Variants in MIGA1 observed in about 807,000 individuals in gnomAD.
MIGA1 encodes the protein family with sequence similarity 73, member A.
Under a neutral mutation model 82.0 loss-of-function variants are expected in MIGA1, and 58 were observed. The ratio of observed to expected loss-of-function variants is 0.71; its 90% CI spans 0.57 to 0.88. The LOEUF is 0.88. Ranked by LOEUF, MIGA1 falls within the 40% of genes least tolerant of loss-of-function variation. The pLI, the probability that MIGA1 is intolerant of heterozygous loss-of-function variation, is 0.00. For missense variants in MIGA1, 751 were observed against 749.1 expected, an observed-to-expected ratio of 1.00 and a Z score of -0.03; for synonymous variants, 249 against 253.6, an observed-to-expected ratio of 0.98 and a Z score of 0.17.
chr1:77,834,387 G>T (rs1684353104), intron 7 of MIGA1, among the ~76,000 whole-genome samples: 1 of 152,148 alleles, frequency 6.6e-6, no homozygotes, highest in East Asian at 1.9e-4. Context: ...TGTTGCTTGG[G>T]CTGGTCTTGA....
intron 2 of MIGA1, among the ~76,000 whole-genome samples, chr1:77,789,488 G>A (rs1682325954): frequency 6.6e-6 from 1 of 152,118 alleles, no homozygotes; most frequent in Non-Finnish European, 1.5e-5. Context: ...AGGATAATGG[G>A]TGTGAGCCAC....
At chr1:77,820,944 G>A (rs1422306689) in intron 7 of MIGA1, among the ~76,000 whole-genome samples, 1 of 151,892 alleles carries the variant, frequency 6.6e-6, no homozygotes. Context: ...GACCAGCCTG[G>A]CCAACCTGGT....
At chr1:77,839,490 C>T (rs1286843027) in intron 7 of MIGA1, among the ~76,000 whole-genome samples, 1 of 151,854 alleles carries the variant, frequency 6.6e-6, no homozygotes, top group African/African-American at 2.4e-5. Context: ...CCCGCATCAG[C>T]CTCCCGAGAA....
chr1:77,793,127 A>G (rs1557896183), intron 2 of MIGA1, among the ~76,000 whole-genome samples: 1 of 150,374 alleles, frequency 6.7e-6, no homozygotes, highest in Non-Finnish European at 1.5e-5. Flanking sequence ...TTTTTTAAAG[A>G]CAGGGTCTCT....
rs1293888594 is a variant in MIGA1 at position 77,878,147 on chromosome 1, A to C, written c.*3083A>C. 6 of 152,256 alleles carry C rather than the reference A, an allele frequency of 3.9e-5. No homozygotes were observed. The highest frequency in any genetic ancestry group is 8.8e-5 in the Non-Finnish European group (6 of 68,130). 9.4% of individuals were successfully genotyped at this position (152,256 alleles called of 1,614,324 possible). ...AGTGGCTCACGCCTGTAATCCCAGC[A>C]CTTTGGGAGGCCCAAGTGGGCAGAT... On this transcript the variant is annotated 3_prime_UTR_variant, in exon 16 of 16. Transcript: ENST00000370791.
chr1:77,779,788 G>A (rs1183578822), intron 1 of MIGA1, 52 bp downstream of exon 1: 4 of 1,511,738 alleles, frequency 2.6e-6, no homozygotes, highest in South Asian at 1.2e-5. Context: ...AGGAAGCGGA[G>A]AGTTGAGCGG....
At chr1:77,810,008 T>C (rs1024088017) in intron 5 of MIGA1, among the ~76,000 whole-genome samples, 2 of 152,190 alleles carry the variant, frequency 1.3e-5, no homozygotes, top group Non-Finnish European at 2.9e-5. Flanking sequence ...ACAGCACTTA[T>C]GCCTGCAGTA....
At chr1:77,871,250 C>A (rs563656068) in intron 14 of MIGA1, among the ~76,000 whole-genome samples, 110 of 152,118 alleles carry the variant, frequency 7.2e-4, no homozygotes, top group African/African-American at 2.5e-3. Context: ...GCATGTAATC[C>A]TAGCACTTTG....
intron 5 of MIGA1, chr1:77,811,476 A>G: frequency 1.3e-6 from 2 of 1,538,084 alleles, no homozygotes; most frequent in Non-Finnish European, 1.8e-6. Context: ...TATTATATGT[A>G]AGAATATTCT....
intron 2 of MIGA1, among the ~76,000 whole-genome samples, chr1:77,786,733 A>ATCAC (rs1344652485): frequency 1.3e-5 from 2 of 152,188 alleles, no homozygotes; most frequent in Non-Finnish European, 2.9e-5. Flanking sequence ...TATTATTCAT[A>ATCAC]TCACTATCAG....
chr1:77,846,013 T>G (rs1684826712), intron 8 of MIGA1, among the ~76,000 whole-genome samples: 1 of 152,000 alleles, frequency 6.6e-6, no homozygotes, highest in South Asian at 2.1e-4. Flanking sequence ...ATTCACCCTT[T>G]TAAAATATAG....
intron 7 of MIGA1, among the ~76,000 whole-genome samples, chr1:77,821,197 C>T (rs1181204996): frequency 7.9e-5 from 12 of 151,652 alleles, no homozygotes; most frequent in Non-Finnish European, 1.8e-4. Flanking sequence ...TTTACATTGG[C>T]TTTTGGTGAA....
chr1:77,865,466 G>C (rs1313749912), intron 13 of MIGA1, among the ~76,000 whole-genome samples: 1 of 152,098 alleles, frequency 6.6e-6, no homozygotes, highest in Admixed American at 6.6e-5. Flanking sequence ...AGTGGTGTGT[G>C]CCTGTGGTTT....
At chr1:77,863,831 G>T in intron 12 of MIGA1, 63 bp from the exon 13 acceptor site, 2 of 1,219,854 alleles carry the variant, frequency 1.6e-6, no homozygotes, top group South Asian at 1.6e-5. Context: ...TAAAGCCCTG[G>T]CTCAGATTTT....
At chr1:77,801,184 G>T (rs1436755031) in intron 2 of MIGA1, 147 bp from the exon 3 acceptor site, 1 of 536,742 alleles carries the variant, frequency 1.9e-6, no homozygotes, top group Admixed American at 4.0e-5. Flanking sequence ...ATCAAATTGG[G>T]CTAGCTTGTC....
In MIGA1 at chr1:77,866,401, G is replaced by A. The variant is rs200102841; in HGVS notation, c.1563+10G>A. 310 of 1,612,934 alleles carry A rather than the reference G, an allele frequency of 1.9e-4. No individual in the cohort carries two copies. The highest frequency in any genetic ancestry group is 5.6e-4 in the East Asian group (25 of 44,864). ...AAGACAACAGATGAAGGTAAAATTC[G>A]TTATGTCCTGAATTCCTTTGTTAAA... On this transcript the variant is annotated intron_variant, in intron 14 of 15. Transcript: ENST00000370791.
intron 2 of MIGA1, among the ~76,000 whole-genome samples, chr1:77,790,675 A>G (rs1289150926): frequency 6.8e-6 from 1 of 147,428 alleles, no homozygotes; most frequent in East Asian, 2.0e-4. Flanking sequence ...CAACCTCCAC[A>G]TCCCAGGTTC....
intron 7 of MIGA1, among the ~76,000 whole-genome samples, chr1:77,831,915 C>T (rs1482003179): frequency 1.3e-5 from 2 of 152,200 alleles, no homozygotes; most frequent in Non-Finnish European, 1.5e-5. Flanking sequence ...ACAGATGTAT[C>T]TTGTCCACAG....
chr1:77,791,244 A>T (rs920434912), intron 2 of MIGA1, among the ~76,000 whole-genome samples: 4 of 47,636 alleles, frequency 8.4e-5, no homozygotes, highest in East Asian at 6.0e-4. Flanking sequence ...CCTGTCTCTT[A>T]AAAAAAAAAA....
Sources: allele counts gnomAD v4.1 joint callset (sites outside exome capture counted in the v4.1 genomes callset), GRCh38; gene constraint gnomAD v4.1.1; transcripts MANE v1.5; gene names NCBI Gene and HGNC (gene_info 2026-07-23, HGNC 2026-07-21).